The following MYBL1 variants were observed in gnomAD, a reference collection of about 807,000 sequenced individuals.
The protein encoded by MYBL1 is myb-related protein A.
A neutral mutation model predicts 96.3 loss-of-function variants in MYBL1; 17 were observed. The observed-to-expected ratio is 0.18, with a 90% CI of 0.12 to 0.26. The LOEUF (loss-of-function observed/expected upper bound fraction) is 0.26, where lower values mean the gene tolerates loss of function less well. Ranked by LOEUF, MYBL1 falls within the 10% of genes least tolerant of loss-of-function variation. The probability of loss-of-function intolerance (pLI) is 1.00; values close to 1 mark genes in which losing one functional copy is unlikely to be tolerated. For missense variants in MYBL1, 701 were observed against 882.9 expected (o/e 0.79, Z 2.61); for synonymous variants, 282 against 292.7 (o/e 0.96, Z 0.37).
At chr8:66,564,867 T>G in intron 15 of MYBL1, 42 bp from the exon 16 acceptor site, 1 of 1,398,826 alleles carries the variant, frequency 7.1e-7, no homozygotes, top group African/African-American at 1.4e-5. Flanking sequence ...ATTATTAAAA[T>G]AGCTATCTAT....
intron 10 of MYBL1, among the ~76,000 whole-genome samples, chr8:66,575,121 C>G (rs1808883003): frequency 6.6e-6 from 1 of 151,962 alleles, no homozygotes; most frequent in African/African-American, 2.4e-5. Flanking sequence ...GGAAACTGTC[C>G]TAACATAAAC....
intron 1 of MYBL1, among the ~76,000 whole-genome samples, chr8:66,605,842 G>C (rs1443863420): frequency 6.6e-6 from 1 of 152,130 alleles, no homozygotes; most frequent in African/African-American, 2.4e-5. Flanking sequence ...AACTGAATTA[G>C]AGGATTCTGA....
rs1808931804 is a variant in MYBL1 at position 66,576,117 on chromosome 8, G to C, written c.1360C>G (p.Arg454Gly). The C allele has an allele frequency of 1.2e-6, 2 of 1,613,920 alleles. No individual in the cohort carries two copies. Among genetic ancestry groups the C allele is most frequent in the Non-Finnish European group, 1.7e-6 (2 of 1,179,874 alleles). The change falls in exon 10 of 16, where the codon CGA becomes GGA. Residue 454 changes from arginine (R) to glycine (G), a missense_variant. This residue lies in a region of MYBL1 where 396 missense variants were observed against 407.4 expected (regional missense o/e 0.97). Transcript: ENST00000522677. ...PAILRKKRKMRVGHSPGSELR... is the reference protein window; with the variant it reads ...PAILRKKRKMGVGHSPGSELR... ...TCGCTGCCTGGGGAATGACCCACTC[G>C]CATTTTTCTCTTCTTTCTGAGGATG...
At chr8:66,567,991 G>C (rs1450765125) in intron 12 of MYBL1, among the ~76,000 whole-genome samples, 2 of 148,860 alleles carry the variant, frequency 1.3e-5, no homozygotes, top group Non-Finnish European at 3.0e-5. Context: ...AAGTTGCAGT[G>C]AGCCGAAATC....
intron 6 of MYBL1, among the ~76,000 whole-genome samples, chr8:66,593,991 C>T (rs947783012): frequency 2.0e-5 from 3 of 151,958 alleles, no homozygotes; most frequent in Admixed American, 2.0e-4. Context: ...AAAAAATTAG[C>T]CAGGTGTAGT....
At chr8:66,603,468 C>CA (rs1156732542) in intron 1 of MYBL1, among the ~76,000 whole-genome samples, 1 of 149,618 alleles carries the variant, frequency 6.7e-6, no homozygotes, top group Non-Finnish European at 1.5e-5. Flanking sequence ...ATGTCTTGAA[C>CA]AAATGGAAGA....
Position 66,593,125 on chromosome 8 carries a change from T to A in MYBL1, c.757A>T (p.Ile253Phe), listed in dbSNP as rs758589844. Residue 253 changes from isoleucine to phenylalanine, a missense_variant, in exon 7 of 16, where the codon ATT becomes TTT. Ile to Phe is a conservative substitution (Grantham distance 21). This residue lies in a region of MYBL1 where 396 missense variants were observed against 407.4 expected (regional missense o/e 0.97). Coordinates refer to ENST00000522677, the MANE Select transcript of MYBL1 (RefSeq NM_001080416.4). ...IEHVQPTSAF[I>F]QQPFIDEDPD... Reference sequence around the variant, plus strand: ...TCGTTATAAATAAAAGTTACCTGAATAAAGGCAGAAGTAGGCTGAACATGT... The same window carrying A: ...TCGTTATAAATAAAAGTTACCTGAAAAAAGGCAGAAGTAGGCTGAACATGT... 1.3e-6 allele frequency: 2 copies of A among 1,570,512 alleles called. No homozygotes were observed. The highest frequency in any genetic ancestry group is 1.7e-6 in the Non-Finnish European group (2 of 1,154,060).
At chr8:66,570,816 A>G (rs546233617) in intron 12 of MYBL1, among the ~76,000 whole-genome samples, 9 of 152,366 alleles carry the variant, frequency 5.9e-5, no homozygotes, top group African/African-American at 2.2e-4. Context: ...TTAAATTAAA[A>G]AAGTGTTATA....
rs1167336780 is a variant in MYBL1, at chr8:66,601,177, C to CAAAAA, written c.198+516_198+520dup. Among the ~76,000 whole-genome samples the CAAAAA allele has an allele frequency of 1.4e-3, 20 of 13,910 alleles. 1 individual carries two copies. The East Asian group carries it at 0.015, about 11-fold the overall frequency. The allele number at this position is 13,910 out of a possible 152,430, so 9.1% of individuals were successfully genotyped here. A position where few individuals can be genotyped will look rare whatever the true frequency, so the allele number is the denominator to read the frequency against. On this transcript the variant is annotated intron_variant, in intron 3 of 15. Coordinates refer to ENST00000522677, the MANE Select transcript of MYBL1 (RefSeq NM_001080416.4). ...GGGCAACAAGAGCGAAACTCCGTCT[C>CAAAAA]AAAAAAAAAAAAAAAAAAAAAAAAA...
In MYBL1 at chr8:66,599,151, AT is replaced by A; in HGVS notation, c.199-10del. The stretch of plus-strand genomic sequence containing the variant: ...TGAAAATCAGAGCGATTCTGAAAAA[AT>A]TTAGAAGATTTTGTTATTAAACAAC... On this transcript the variant is annotated splice_polypyrimidine_tract_variant and intron_variant, in intron 3 of 15. Transcript: ENST00000522677. 6.5e-7 allele frequency: 1 copy of A among 1,550,068 alleles called. No individual in the cohort carries two copies. Among genetic ancestry groups the A allele is most frequent in the Non-Finnish European group, 8.7e-7 (1 of 1,152,362 alleles).
chr8:66,601,803 C>T (rs1367506581), intron 2 of MYBL1, 34 bp from the exon 3 acceptor site: 9 of 1,188,876 alleles, frequency 7.6e-6, no homozygotes. Context: ...GAAAGCTTTC[C>T]CCCCGTCCTT....
At chr8:66,611,961 C>T (rs1337197861) in intron 1 of MYBL1, among the ~76,000 whole-genome samples, 3 of 152,066 alleles carry the variant, frequency 2.0e-5, no homozygotes, top group Admixed American at 6.5e-5. Context: ...GGAAGACATC[C>T]TATATTTTTG....
Position 66,602,495 on chromosome 8 carries a change from C to T in MYBL1, c.49G>A (p.Ala17Thr). 6.2e-7 allele frequency: 1 copy of T among 1,607,996 alleles called. No homozygotes were observed. Among genetic ancestry groups the T allele is most frequent in the Non-Finnish European group, 8.5e-7 (1 of 1,176,496 alleles). The change falls in exon 2 of 16, where the codon GCC (alanine) becomes ACC (threonine). Residue 17 changes from alanine to threonine, a missense_variant. Physicochemically the swap from Ala to Thr is moderately conservative, Grantham distance 58 (BLOSUM62 0). Coordinates refer to ENST00000522677, the MANE Select transcript of MYBL1 (RefSeq NM_001080416.4). ...SEDEDDDLQY[A>T]DHDYEVPQQK... ...TGTGGTACTTCATAATCATGATCGG[C>T]ATACTGAAGGTCATCATCCTCATCC...
intron 3 of MYBL1, among the ~76,000 whole-genome samples, chr8:66,600,116 T>C (rs1244957733): frequency 6.6e-6 from 1 of 152,194 alleles, no homozygotes; most frequent in African/African-American, 2.4e-5. Context: ...ACGCAGTATC[T>C]GGGTAGAAAC....
In MYBL1 at chr8:66,564,151, GTAGT is replaced by G. The variant is rs1360319605; in HGVS notation, c.*542_*545del. ...TGCTCAAATAAATACATTTAACACT[GTAGT>G]TAATTTTACTGCTTCTGAAAAAAAA... is the stretch of plus-strand genomic sequence containing the variant. On this transcript the variant is annotated 3_prime_UTR_variant, in exon 16 of 16. Coordinates refer to ENST00000522677, the MANE Select transcript of MYBL1 (RefSeq NM_001080416.4). 5 of 151,460 alleles carry G rather than the reference GTAGT, an allele frequency of 3.3e-5. No individual in the cohort carries two copies. Among genetic ancestry groups the G allele is most frequent in the Admixed American group, 2.0e-4 (3 of 15,162 alleles). 9.4% of individuals were successfully genotyped at this position (151,460 alleles called of 1,614,324 possible). A position where few individuals can be genotyped will look rare whatever the true frequency, so the allele number is the denominator to read the frequency against.
chr8:66,602,946 C>T (rs1003978034), intron 1 of MYBL1, among the ~76,000 whole-genome samples: 5 of 150,886 alleles, frequency 3.3e-5, no homozygotes, highest in Non-Finnish European at 5.9e-5. Context: ...AGGGTTTCAC[C>T]GTGTTAACCA....
chr8:66,578,530 G>A (rs11988415), intron 9 of MYBL1, among the ~76,000 whole-genome samples: 18,854 of 151,576 alleles, frequency 0.12, 2,716 homozygotes, highest in African/African-American at 0.35. Flanking sequence ...ACCACAATGA[G>A]ATACCATCTC....
intron 9 of MYBL1, 32 bp from the exon 10 acceptor site, chr8:66,576,407 T>C: frequency 6.4e-7 from 1 of 1,556,894 alleles, no homozygotes; most frequent in Non-Finnish European, 8.7e-7. Flanking sequence ...ATAAAGTTAA[T>C]GCTGTAACCT....
At chr8:66,602,737 T>A (rs78813876) in intron 1 of MYBL1, among the ~76,000 whole-genome samples, 295 of 62,194 alleles carry the variant, frequency 4.7e-3, no homozygotes, top group Non-Finnish European at 6.4e-3. Flanking sequence ...ATATATATTT[T>A]TTTTTTTTTT....
Sources: gnomAD v4.1 joint callset for allele counts (sites outside exome capture counted in the v4.1 genomes callset) on GRCh38, gnomAD v4.1.1 for gene constraint, gnomAD v4.1.1 regional missense constraint, MANE v1.5 for transcripts, NCBI Gene and HGNC (gene_info 2026-07-23, HGNC 2026-07-21) for gene names.